Variants in POF1B observed in about 807,000 individuals in gnomAD.
The protein encoded by POF1B is POF1B actin binding protein, also known as protein POF1B.
Under a neutral mutation model 55.3 loss-of-function variants are expected in POF1B, and 53 were observed. The ratio of observed to expected loss-of-function variants is 0.96; its 90% CI spans 0.77 to 1.20. The LOEUF is 1.20. Among genes scored for constraint, POF1B ranks in the 50% most tolerant of loss-of-function variants. The pLI, the probability that POF1B is intolerant of heterozygous loss-of-function variation, is 0.00. For synonymous variants in POF1B, 188 were observed against 148.3 expected (o/e 1.27, Z -1.95); for missense variants, 478 against 420.5 (o/e 1.14, Z -1.20).
intron 7 of POF1B, among the ~76,000 whole-genome samples, chrX:85,326,199 C>A (rs1172773081): frequency 8.9e-6 from 1 of 112,138 alleles, no homozygotes; most frequent in Non-Finnish European, 1.9e-5. Context: ...CATTCATTGG[C>A]TGCAACATGG....
At chrX:85,356,991 T>C (rs999611475) in intron 4 of POF1B, among the ~76,000 whole-genome samples, 2 of 111,630 alleles carry the variant, frequency 1.8e-5, no homozygotes, top group Non-Finnish European at 3.8e-5. Context: ...AAGTAGACCC[T>C]TCAACCTTTG....
intron 15 of POF1B, among the ~76,000 whole-genome samples, chrX:85,283,975 T>C (rs1243624865): frequency 3.6e-5 from 4 of 111,034 alleles, no homozygotes; most frequent in Non-Finnish European, 1.9e-5. Context: ...GGATACAAAA[T>C]CAATGTGCAA....
intron 16 of POF1B, among the ~76,000 whole-genome samples, chrX:85,279,955 A>T (rs1603016234): frequency 9.0e-6 from 1 of 111,144 alleles, no homozygotes; most frequent in Non-Finnish European, 1.9e-5. Flanking sequence ...TGGGCATCAA[A>T]TTATCTTTGA....
chrX:85,360,556 TATAC>T (rs1339870763), intron 3 of POF1B, among the ~76,000 whole-genome samples: 18 of 83,934 alleles, frequency 2.1e-4, no homozygotes, highest in African/African-American at 1.1e-3. Flanking sequence ...TATATATATA[TATAC>T]ATATATACAC....
intron 2 of POF1B, among the ~76,000 whole-genome samples, chrX:85,372,568 C>G (rs1457007771): frequency 1.9e-5 from 2 of 105,886 alleles, no homozygotes; most frequent in Admixed American, 2.0e-4. Flanking sequence ...ACACAGGGGC[C>G]TGTCAGAAGA....
intron 5 of POF1B, among the ~76,000 whole-genome samples, chrX:85,349,713 A>G (rs1016637248): frequency 9.0e-6 from 1 of 111,552 alleles, no homozygotes; most frequent in African/African-American, 3.2e-5. Context: ...GGAATGAAAG[A>G]GTTCCTTCTC....
At position 85,282,487 on chromosome X, in the gene POF1B, G is replaced by C. The variant is rs189195031; in HGVS notation, c.1650-170C>G. Among the ~76,000 whole-genome samples the C allele has an allele frequency of 3.2e-3, 356 of 111,530 alleles. 4 individuals are homozygous for C. The highest frequency in any genetic ancestry group is 4.4e-3 in the Non-Finnish European group (235 of 53,008). On this transcript the variant is annotated intron_variant, in intron 15 of 16. Coordinates refer to ENST00000262753, the MANE Select transcript of POF1B (RefSeq NM_024921.4). ...AAAAAACCCTATTTCAATGGACAGA[G>C]ATGTACAACCATTATTTTCAAGAAA...
intron 15 of POF1B, among the ~76,000 whole-genome samples, chrX:85,292,046 C>A (rs1049067541): frequency 2.7e-5 from 3 of 111,146 alleles, no homozygotes; most frequent in African/African-American, 6.5e-5. Flanking sequence ...AGCTTTTGCC[C>A]ATTCAGTATG....
intron 9 of POF1B, among the ~76,000 whole-genome samples, chrX:85,311,299 C>T (rs1932690813): frequency 9.0e-6 from 1 of 110,863 alleles, no homozygotes; most frequent in African/African-American, 3.3e-5. Context: ...GTTTCCTGCA[C>T]CCATCAACCT....
At chrX:85,359,986 A>T (rs750778574) in intron 3 of POF1B, among the ~76,000 whole-genome samples, 4 of 110,587 alleles carry the variant, frequency 3.6e-5, no homozygotes, top group Non-Finnish European at 7.6e-5. Context: ...CATGTTAAAA[A>T]AAATGAAAAG....
chrX:85,351,165 T>C (rs1015350622), intron 5 of POF1B, among the ~76,000 whole-genome samples, 185 bp downstream of exon 5: 13 of 111,116 alleles, frequency 1.2e-4, no homozygotes, highest in Admixed American at 1.1e-3. Flanking sequence ...AGGACAATAA[T>C]ACTTCACATG....
At chrX:85,375,073 G>A (rs1205761464) in intron 2 of POF1B, among the ~76,000 whole-genome samples, 2 of 110,914 alleles carry the variant, frequency 1.8e-5, no homozygotes, top group African/African-American at 6.6e-5. Flanking sequence ...TTCTTTTTCT[G>A]AAGAAAACTA....
intron 6 of POF1B, among the ~76,000 whole-genome samples, chrX:85,342,973 G>A (rs1933200583): frequency 1.0e-5 from 1 of 99,784 alleles, no homozygotes; most frequent in Non-Finnish European, 2.0e-5. Context: ...GTAGAGTGGT[G>A]CTTCCAAGGG....
At chrX:85,283,287 G>A (rs958986921) in intron 15 of POF1B, among the ~76,000 whole-genome samples, 1 of 110,487 alleles carries the variant, frequency 9.1e-6, no homozygotes, top group Non-Finnish European at 1.9e-5. Context: ...AGACAACACT[G>A]ATAAAAAAAT....
Position 85,304,284 on chromosome X carries a change from A to G in POF1B, c.1566+59T>C, listed in dbSNP as rs144317850. ...CTAGTCCATGGGAAGTATTTATCCTACAGTACTACAGTACTAAGTTGTATT... is the reference window on the plus strand; with the variant it reads ...CTAGTCCATGGGAAGTATTTATCCTGCAGTACTACAGTACTAAGTTGTATT... On this transcript the variant is annotated intron_variant, in intron 14 of 16. Coordinates refer to ENST00000262753, the MANE Select transcript of POF1B (RefSeq NM_024921.4). The G allele has an allele frequency of 1.8e-5, 18 of 974,877 alleles. No homozygotes were observed. In the African/African-American group the frequency reaches 2.4e-4, roughly 13 times the overall value. 80.3% of individuals were successfully genotyped at this position (974,877 alleles called of 1,213,427 possible). A position where few individuals can be genotyped will look rare whatever the true frequency, so the allele number is the denominator to read the frequency against.
chrX:85,294,602 G>A (rs983411647), intron 15 of POF1B, among the ~76,000 whole-genome samples: 6 of 111,941 alleles, frequency 5.4e-5, no homozygotes, highest in African/African-American at 1.9e-4. Context: ...TTGTTGTACT[G>A]CTGGATTGGG....
At chrX:85,280,049 A>G (rs1347541471) in intron 16 of POF1B, among the ~76,000 whole-genome samples, 1 of 111,440 alleles carries the variant, frequency 9.0e-6, no homozygotes, top group Non-Finnish European at 1.9e-5. Flanking sequence ...ACAACATTTC[A>G]GAGTTTAAAT....
At chrX:85,333,711 T>A (rs1205146134) in intron 6 of POF1B, among the ~76,000 whole-genome samples, 1 of 111,103 alleles carries the variant, frequency 9.0e-6, no homozygotes, top group Non-Finnish European at 1.9e-5. Context: ...ACAGTCTAAT[T>A]GGAGCAACTA....
intron 7 of POF1B, among the ~76,000 whole-genome samples, chrX:85,329,508 T>C (rs1222608650): frequency 9.0e-6 from 1 of 111,244 alleles, no homozygotes; most frequent in Non-Finnish European, 1.9e-5. Context: ...AACTATCTAT[T>C]GAGCACCACA....
Sources: allele counts gnomAD v4.1 joint callset (sites outside exome capture counted in the v4.1 genomes callset), GRCh38; gene constraint gnomAD v4.1.1; transcripts MANE v1.5; gene names NCBI Gene and HGNC (gene_info 2026-07-23, HGNC 2026-07-21).